The following MICAL3 variants were observed in gnomAD, a reference collection of about 807,000 sequenced individuals.
The protein encoded by MICAL3 is microtubule associated monooxygenase, calponin and LIM domain containing 3, also known as [F-actin]-monooxygenase MICAL3.
MICAL3 carries 62 observed loss-of-function variants against 207.4 expected under a neutral mutation model. That is an observed-to-expected ratio of 0.30 (90% confidence interval 0.24 to 0.37). The LOEUF is 0.37. Ranked by LOEUF, MICAL3 falls within the 10% of genes least tolerant of loss-of-function variation. MICAL3 has a pLI of 1.00. For missense variants in MICAL3, 2,368 were observed against 2,635.6 expected (o/e 0.90, Z 2.22); for synonymous variants, 1,077 against 1,069.3 (o/e 1.01, Z -0.14).
intron 1 of MICAL3, among the ~76,000 whole-genome samples, chr22:17,979,053 G>T (rs562337255): frequency 3.0e-4 from 46 of 151,518 alleles, no homozygotes; most frequent in African/African-American, 1.1e-3. Flanking sequence ...GTACACTTGT[G>T]GTCCCAGCTA....
At chr22:18,018,166 G>A (rs1042155832) in intron 1 of MICAL3, among the ~76,000 whole-genome samples, 6 of 152,240 alleles carry the variant, frequency 3.9e-5, no homozygotes, top group African/African-American at 7.2e-5. Context: ...GAGCCACTGC[G>A]CCCAGCCGAT....
intron 12 of MICAL3, among the ~76,000 whole-genome samples, chr22:17,891,050 G>A (rs1277538805): frequency 6.6e-6 from 1 of 152,204 alleles, no homozygotes; most frequent in Non-Finnish European, 1.5e-5. Flanking sequence ...TGTTAGTAGT[G>A]ACACATTTGC....
At chr22:17,992,783 T>G (rs1921835570) in intron 1 of MICAL3, among the ~76,000 whole-genome samples, 1 of 152,204 alleles carries the variant, frequency 6.6e-6, no homozygotes, top group Non-Finnish European at 1.5e-5. Flanking sequence ...CTCTTCCTTT[T>G]GCTCCCTGAA....
rs982741355 is a variant in MICAL3, at chr22:17,885,929, C to G, written c.2190G>C (p.Leu730=). The change falls in exon 16 of 32, where the codon CTG becomes CTC. Residue 730 remains leucine (L), a synonymous_variant. Coordinates refer to ENST00000441493, the MANE Select transcript of MICAL3 (RefSeq NM_015241.3). ...CGGGCGCATTCTCTTCAAATTTGGCCAGCAGCTGGGTCGCCATGTACTTCA... is the reference window on the plus strand; with the variant it reads ...CGGGCGCATTCTCTTCAAATTTGGCGAGCAGCTGGGTCGCCATGTACTTCA... ...NKVKYMATQL[L]AKFEENAPAQ... is the part of the protein sequence containing the mutation. 6.8e-6 allele frequency: 11 copies of G among 1,613,888 alleles called. No individual in the cohort carries two copies. In the African/African-American group the frequency reaches 1.3e-4, roughly 20 times the overall value.
intron 1 of MICAL3, among the ~76,000 whole-genome samples, chr22:17,975,154 C>T (rs1372079744): frequency 1.3e-5 from 2 of 152,166 alleles, no homozygotes; most frequent in Non-Finnish European, 2.9e-5. Context: ...CACAAACCCA[C>T]AAGAAAATGG....
intron 1 of MICAL3, among the ~76,000 whole-genome samples, chr22:17,998,104 C>A (rs1239604525): frequency 6.6e-6 from 1 of 152,100 alleles, no homozygotes; most frequent in Admixed American, 6.6e-5. Flanking sequence ...GAGTTCGAGA[C>A]CAGCCTGACC....
At chr22:17,883,671 A>G (rs1324030108) in intron 16 of MICAL3, among the ~76,000 whole-genome samples, 1 of 152,184 alleles carries the variant, frequency 6.6e-6, no homozygotes, top group Non-Finnish European at 1.5e-5. Flanking sequence ...CACCTGCCCT[A>G]TTCTGTACTA....
rs548122060 is a variant in MICAL3 at position 17,801,188 on chromosome 22, T to G, written c.5650+7656A>C. Among the ~76,000 whole-genome samples, 9 of 48,720 alleles carry G rather than the reference T, an allele frequency of 1.8e-4. 2 individuals are homozygous for G. The East Asian group carries it at 5.5e-3, about 30-fold the overall frequency. 32.0% of individuals were successfully genotyped at this position (48,720 alleles called of 152,430 possible). ...TTTTTTTTGAGACGGAGTCTCGCTC[T>G]GTCGCCCAGGCTGGAGTGCAGTGGC... On this transcript the variant is annotated intron_variant, in intron 29 of 31. Coordinates refer to ENST00000441493, the MANE Select transcript of MICAL3 (RefSeq NM_015241.3).
chr22:17,836,051 G>A (rs949897603), intron 20 of MICAL3, among the ~76,000 whole-genome samples: 1 of 152,118 alleles, frequency 6.6e-6, no homozygotes, highest in African/African-American at 2.4e-5. Flanking sequence ...CCTTGTCTCA[G>A]TTTATACCCA....
intron 12 of MICAL3, among the ~76,000 whole-genome samples, chr22:17,891,140 T>G (rs1210765650): frequency 6.6e-6 from 1 of 152,144 alleles, no homozygotes; most frequent in East Asian, 1.9e-4. Flanking sequence ...AATGAAGAGT[T>G]CAACCGGGGC....
intron 27 of MICAL3, among the ~76,000 whole-genome samples, chr22:17,816,264 ACGGGCAGGAC>A (rs999484677): frequency 1.3e-5 from 2 of 152,066 alleles, no homozygotes; most frequent in African/African-American, 4.8e-5. Context: ...AACCCACCAA[ACGGGCAGGAC>A]CAGGCACAAT....
rs1183756306 is a variant in MICAL3 at position 17,814,829 on chromosome 22, C to G, written c.5445+1861G>C. The G allele has an allele frequency of 8.1e-5, 12 of 147,434 alleles. 1 individual carries two copies. Among genetic ancestry groups the G allele is most frequent in the Admixed American group, 2.0e-4 (3 of 14,932 alleles). 9.1% of individuals were successfully genotyped at this position (147,434 alleles called of 1,614,324 possible). ...GTCCCGTAGGTCATCCATCCCCTAG[C>G]CGGGCCGTCCCGTAGGTCATCCATC... On this transcript the variant is annotated intron_variant, in intron 27 of 31. Transcript: ENST00000441493.
At chr22:17,945,073 G>A (rs534488236) in intron 1 of MICAL3, among the ~76,000 whole-genome samples, 3 of 150,434 alleles carry the variant, frequency 2.0e-5, no homozygotes, top group South Asian at 4.2e-4. Context: ...ATAAATATAG[G>A]GTCTAATACC....
chr22:17,871,275 A>G (rs1023224834), intron 17 of MICAL3, among the ~76,000 whole-genome samples: 2 of 152,228 alleles, frequency 1.3e-5, no homozygotes, highest in Non-Finnish European at 2.9e-5. Context: ...ATGTTGCCAA[A>G]GACCAGGCCT....
At chr22:18,005,526 C>T (rs1185084487) in intron 1 of MICAL3, 1 of 152,172 alleles carries the variant, frequency 6.6e-6, no homozygotes, top group Non-Finnish European at 1.5e-5. Flanking sequence ...ACCTAAGCCA[C>T]AGGGTTTAGG....
At chr22:17,966,352 A>T (rs1056052606) in intron 1 of MICAL3, among the ~76,000 whole-genome samples, 1 of 151,988 alleles carries the variant, frequency 6.6e-6, no homozygotes, top group African/African-American at 2.4e-5. Context: ...CTCCAGCCTT[A>T]TTCCAGAACC....
At chr22:17,833,439 C>CT (rs1481522085) in intron 20 of MICAL3, among the ~76,000 whole-genome samples, 1 of 152,232 alleles carries the variant, frequency 6.6e-6, no homozygotes, top group Non-Finnish European at 1.5e-5. Flanking sequence ...GGTGTGTCCT[C>CT]TCTCTGCCCA....
intron 17 of MICAL3, among the ~76,000 whole-genome samples, chr22:17,871,531 A>G (rs1927723860): frequency 6.6e-6 from 1 of 152,194 alleles, no homozygotes; most frequent in South Asian, 2.1e-4. Context: ...CCTTATTTTT[A>G]TTGTGTTCCT....
chr22:17,926,261 C>T (rs376515522), intron 1 of MICAL3, among the ~76,000 whole-genome samples: 104 of 152,320 alleles, frequency 6.8e-4, no homozygotes, highest in African/African-American at 2.3e-3. Context: ...CATTCCAGGA[C>T]GTCTGTGCCC....
Sources: gnomAD v4.1 joint callset for allele counts (sites outside exome capture counted in the v4.1 genomes callset) on GRCh38, gnomAD v4.1.1 for gene constraint, MANE v1.5 for transcripts, NCBI Gene and HGNC (gene_info 2026-07-23, HGNC 2026-07-21) for gene names.